ZBTB25: variants seen among roughly 807,000 people sequenced by gnomAD.
ZBTB25 encodes the protein zinc finger and BTB domain-containing protein 25.
Under a neutral mutation model 34.2 loss-of-function variants are expected in ZBTB25, and 20 were observed. That is an observed-to-expected ratio of 0.58 (90% CI 0.41 to 0.85). The LOEUF (loss-of-function observed/expected upper bound fraction) is 0.85. Ranked by LOEUF, ZBTB25 falls within the 40% of genes least tolerant of loss-of-function variation. ZBTB25 has a pLI of 0.00. For synonymous variants in ZBTB25, 175 were observed against 186.4 expected, an observed-to-expected ratio of 0.94 and a Z score of 0.50; for missense variants, 437 against 521.8, an observed-to-expected ratio of 0.84 and a Z score of 1.58.
chr14:64,459,080 T>C (rs1002546137), intron 2 of ZBTB25, among the ~76,000 whole-genome samples: 2 of 152,198 alleles, frequency 1.3e-5, no homozygotes, highest in Non-Finnish European at 2.9e-5. Flanking sequence ...TGGAGGAGTG[T>C]CCTGTAAGGT....
At chr14:64,490,208 C>CAAAAAAAA (rs61367816) in intron 2 of ZBTB25, among the ~76,000 whole-genome samples, 153 bp downstream of exon 2, 11 of 90,952 alleles carry the variant, frequency 1.2e-4, no homozygotes, top group African/African-American at 6.2e-4. Context: ...ACTCTGTCGC[C>CAAAAAAAA]AAAAAAAAAA....
chr14:64,476,418 C>A (rs2078719844), downstream of ZBTB25, among the ~76,000 whole-genome samples: 1 of 152,206 alleles, frequency 6.6e-6, no homozygotes, highest in Non-Finnish European at 1.5e-5. Context: ...CTCCACATCC[C>A]AGGTTCAAGC....
chr14:64,466,307 G>C (rs1326981117), intron 2 of ZBTB25, among the ~76,000 whole-genome samples: 1 of 152,208 alleles, frequency 6.6e-6, no homozygotes, highest in Non-Finnish European at 1.5e-5. Context: ...TCCCTCGTTA[G>C]TTAAGTTTCT....
rs1178615930 is a variant in ZBTB25 at position 64,483,053 on chromosome 14, T to C, written c.*3870A>G. 1 of 152,220 alleles carries C rather than the reference T, an allele frequency of 6.6e-6. No homozygotes were observed. Among genetic ancestry groups the C allele is most frequent in the African/African-American group, 2.4e-5 (1 of 41,454 alleles). The allele number at this position is 152,220 out of a possible 1,614,324, so 9.4% of individuals were successfully genotyped here. ...AACAAATACTAAAACAGTCTCTATT[T>C]TTCTCCAGAAAACAACTGCGTGAGA... On this transcript the variant is annotated 3_prime_UTR_variant, in exon 3 of 3. Coordinates refer to ENST00000608382, the MANE Select transcript of ZBTB25 (RefSeq NM_006977.5).
chr14:64,497,646 G>C (rs2079324243), intron 1 of ZBTB25, among the ~76,000 whole-genome samples: 1 of 152,122 alleles, frequency 6.6e-6, no homozygotes, highest in South Asian at 2.1e-4. Context: ...CTAGATTGTA[G>C]TAACTCTGGA....
intron 2 of ZBTB25, chr14:64,453,617 T>C: frequency 1.5e-6 from 1 of 684,388 alleles, no homozygotes; most frequent in Non-Finnish European, 2.7e-6. Flanking sequence ...AACCTCAAAC[T>C]ATTTGCTTAT....
At position 64,485,344 on chromosome 14, in the gene ZBTB25, C is replaced by G. The variant is rs919312385; in HGVS notation, c.*1579G>C. ...TAGATGTATTCAAATGCCCGTGAAG[C>G]TTAGAATTTAACAAGAGGGCAAAAA... is the stretch of plus-strand genomic sequence containing the variant. On this transcript the variant is annotated 3_prime_UTR_variant, in exon 3 of 3. Coordinates refer to ENST00000608382, the MANE Select transcript of ZBTB25 (RefSeq NM_006977.5). The G allele has an allele frequency of 5.2e-5, 51 of 985,230 alleles. No individual in the cohort carries two copies. Among genetic ancestry groups the G allele is most frequent in the Non-Finnish European group, 6.0e-5 (50 of 829,906 alleles). The allele number at this position is 985,230 out of a possible 1,614,324, so 61.0% of individuals were successfully genotyped here.
At chr14:64,500,407 A>G (rs1566619646) in intron 1 of ZBTB25, among the ~76,000 whole-genome samples, 1 of 151,138 alleles carries the variant, frequency 6.6e-6, no homozygotes, top group Non-Finnish European at 1.5e-5. Context: ...AATTAGAAAA[A>G]TATAAAAAAT....
Position 64,487,332 on chromosome 14 carries a change from A to G in ZBTB25, c.899T>C (p.Phe300Ser). The G allele has an allele frequency of 6.2e-7, 1 of 1,613,998 alleles. No homozygotes were observed. Among genetic ancestry groups the G allele is most frequent in the South Asian group, 1.1e-5 (1 of 91,066 alleles). ...EALECRRLSS[F>S]IVKENEQQPD... ...CTGCTGTTCATTCTCCTTAACAATG[A>G]AGGAGCTGAGCCTGCGGCATTCAAG... Residue 300 changes from phenylalanine to serine, a missense_variant, in exon 3 of 3, where the codon TTC becomes TCC. Physicochemically the swap from Phe to Ser is radical, Grantham distance 155. Coordinates refer to ENST00000608382, the MANE Select transcript of ZBTB25 (RefSeq NM_006977.5).
chr14:64,490,208 CAAAAAAAAAAA>C (rs61367816), intron 2 of ZBTB25, among the ~76,000 whole-genome samples, 142 bp downstream of exon 2: 19 of 90,950 alleles, frequency 2.1e-4, no homozygotes, highest in African/African-American at 1.1e-3. Flanking sequence ...ACTCTGTCGC[CAAAAAAAAAAA>C]AAAAAAAAAA....
intron 1 of ZBTB25, among the ~76,000 whole-genome samples, chr14:64,499,044 C>T (rs1304943459): frequency 6.6e-6 from 1 of 152,202 alleles, no homozygotes; most frequent in African/African-American, 2.4e-5. Flanking sequence ...TTATTTCACA[C>T]TCTACAATTA....
At chr14:64,477,755 C>T (rs916632476), downstream of ZBTB25, among the ~76,000 whole-genome samples, 4 of 152,224 alleles carry the variant, frequency 2.6e-5, no homozygotes, top group African/African-American at 9.6e-5. Context: ...ATGGTTTGGA[C>T]TAAGTTTCAC....
chr14:64,454,158 G>A (rs187831955), intron 2 of ZBTB25, among the ~76,000 whole-genome samples: 10 of 152,288 alleles, frequency 6.6e-5, no homozygotes, highest in African/African-American at 2.4e-4. Context: ...CATTGCCCAG[G>A]CTAGAGTGCA....
downstream of ZBTB25, among the ~76,000 whole-genome samples, chr14:64,475,195 G>T (rs903627465): frequency 2.0e-5 from 3 of 152,018 alleles, no homozygotes; most frequent in Non-Finnish European, 4.4e-5. Context: ...ATCCCAGCAC[G>T]TTGGGAGGCC....
At chr14:64,493,623 A>G (rs1429908467) in intron 1 of ZBTB25, among the ~76,000 whole-genome samples, 2 of 152,202 alleles carry the variant, frequency 1.3e-5, no homozygotes, top group African/African-American at 4.8e-5. Flanking sequence ...AATACAAGAG[A>G]TACATCAGAC....
At chr14:64,469,697 G>C in intron 2 of ZBTB25, 2 of 1,496,990 alleles carry the variant, frequency 1.3e-6, no homozygotes, top group South Asian at 2.7e-5. Context: ...CCAGAGTCAC[G>C]GCAGAAAAAA....
chr14:64,500,908 A>T (rs976390770), intron 1 of ZBTB25, among the ~76,000 whole-genome samples: 1 of 151,508 alleles, frequency 6.6e-6, no homozygotes, highest in Non-Finnish European at 1.5e-5. Flanking sequence ...AAAATTAGCC[A>T]GGTGTGGTGG....
chr14:64,449,387 G>T, exon 3 of ZBTB25: 1 of 1,580,978 alleles, frequency 6.3e-7, no homozygotes, highest in South Asian at 1.1e-5. Context: ...GCAAAAAGAA[G>T]ACAATTCTGT....
chr14:64,452,214 G>A (rs1183364559), intron 2 of ZBTB25, among the ~76,000 whole-genome samples: 7 of 152,320 alleles, frequency 4.6e-5, no homozygotes, highest in African/African-American at 1.4e-4. Context: ...AGAATCTCTT[G>A]AACCCGGGAG....
Sources: gnomAD v4.1 joint callset for allele counts (sites outside exome capture counted in the v4.1 genomes callset) on GRCh38, gnomAD v4.1.1 for gene constraint, MANE v1.5 for transcripts, NCBI Gene and HGNC (gene_info 2026-07-23, HGNC 2026-07-21) for gene names.